The following ARL15 variants were observed in gnomAD, a reference collection of about 807,000 sequenced individuals.
ARL15 encodes ARF like GTPase 15.
ARL15 carries 19 observed loss-of-function variants against 25.2 expected under a neutral mutation model. That is an observed-to-expected ratio of 0.75 (90% confidence interval 0.53 to 1.10). The LOEUF (loss-of-function observed/expected upper bound fraction) is 1.10, where lower values mean the gene tolerates loss of function less well. ARL15 is among the 50% of genes least tolerant of loss of function. The pLI is 0.00. For synonymous variants in ARL15, 94 were observed against 86.8 expected (o/e 1.08, Z -0.46); for missense variants, 220 against 246.0 (o/e 0.89, Z 0.71).
chr5:53,972,001 A>G (rs897289594), intron 4 of ARL15, among the ~76,000 whole-genome samples: 1 of 152,206 alleles, frequency 6.6e-6, no homozygotes, highest in Non-Finnish European at 1.5e-5. Flanking sequence ...AAAATAATCC[A>G]GTGTGGAATA....
intron 4 of ARL15, among the ~76,000 whole-genome samples, chr5:53,889,291 G>A (rs1200095197): frequency 6.6e-6 from 1 of 152,122 alleles, no homozygotes. Context: ...AGTAATATGT[G>A]ATATTTTACA....
chr5:53,966,561 G>C (rs1747572921), intron 4 of ARL15, among the ~76,000 whole-genome samples: 1 of 152,094 alleles, frequency 6.6e-6, no homozygotes, highest in South Asian at 2.1e-4. Flanking sequence ...ACAATCATGG[G>C]GACTGAACCC....
chr5:53,885,960 C>G lies in ARL15; in HGVS notation c.*601G>C, dbSNP rs981576563. ...ATCAAGAAAACATTGTGTAACTTGCCTCTAAGCTCTTCAGAGCCAATTTTA... is the reference window on the plus strand; with the variant it reads ...ATCAAGAAAACATTGTGTAACTTGCGTCTAAGCTCTTCAGAGCCAATTTTA... On this transcript the variant is annotated 3_prime_UTR_variant, in exon 5 of 5. Transcript: ENST00000504924. 2 of 151,930 alleles carry G rather than the reference C, an allele frequency of 1.3e-5. No homozygotes were observed. Among genetic ancestry groups the G allele is most frequent in the Admixed American group, 1.3e-4 (2 of 15,242 alleles). 9.4% of individuals were successfully genotyped at this position (151,930 alleles called of 1,614,324 possible).
intron 3 of ARL15, among the ~76,000 whole-genome samples, chr5:54,121,119 G>C (rs922045831): frequency 6.6e-6 from 1 of 152,150 alleles, no homozygotes; most frequent in African/African-American, 2.4e-5. Flanking sequence ...AAGTGGAATA[G>C]TAAATTTGTC....
At chr5:54,232,235 T>G (rs1408704529) in intron 1 of ARL15, among the ~76,000 whole-genome samples, 1 of 152,188 alleles carries the variant, frequency 6.6e-6, no homozygotes, top group Non-Finnish European at 1.5e-5. Context: ...CCTGACCACA[T>G]TTGCCTGTAT....
At position 54,300,530 on chromosome 5, in the gene ARL15, G is replaced by A. The variant is rs149228543; in HGVS notation, c.48+9902C>T. On this transcript the variant is annotated intron_variant, in intron 1 of 4. Transcript: ENST00000504924. ...TGAACCCAGTCAAACCCCGATTCAC[G>A]AGTAAAATACATTGTTATTGTGTTA... 2.9e-3 allele frequency among the ~76,000 whole-genome samples: 435 copies of A among 152,270 alleles called. 1 individual carries two copies. The highest frequency in any genetic ancestry group is 0.01 in the Middle Eastern group (3 of 294).
chr5:54,269,278 C>A (rs923326025), intron 1 of ARL15, among the ~76,000 whole-genome samples: 20 of 151,816 alleles, frequency 1.3e-4, no homozygotes, highest in Admixed American at 1.3e-3. Context: ...AGTCATATAT[C>A]CTCTTTTAAT....
At chr5:54,148,752 A>C (rs529316368) in intron 3 of ARL15, among the ~76,000 whole-genome samples, 1 of 152,316 alleles carries the variant, frequency 6.6e-6, no homozygotes, top group South Asian at 2.1e-4. Flanking sequence ...GTAACACATT[A>C]GAATATTAAG....
chr5:54,273,216 G>C (rs964120931), intron 1 of ARL15, among the ~76,000 whole-genome samples: 1 of 151,984 alleles, frequency 6.6e-6, no homozygotes, highest in Non-Finnish European at 1.5e-5. Context: ...CTCTAAATAG[G>C]GTACAGTCCA....
At chr5:54,237,235 C>T (rs1208589973) in intron 1 of ARL15, among the ~76,000 whole-genome samples, 3 of 152,224 alleles carry the variant, frequency 2.0e-5, no homozygotes, top group African/African-American at 7.2e-5. Flanking sequence ...TGCCTGCCAC[C>T]ATGCAAGGCA....
intron 4 of ARL15, among the ~76,000 whole-genome samples, chr5:54,085,578 C>T (rs183455758): frequency 3.3e-5 from 5 of 152,216 alleles, no homozygotes; most frequent in African/African-American, 1.2e-4. Context: ...TATTTCCCCA[C>T]AAATATTTTT....
At chr5:54,019,336 A>C (rs977157380) in intron 4 of ARL15, among the ~76,000 whole-genome samples, 1 of 152,176 alleles carries the variant, frequency 6.6e-6, no homozygotes, top group Non-Finnish European at 1.5e-5. Context: ...GATAAGGCTA[A>C]AGCAATTAAT....
At chr5:54,223,882 G>C (rs773335084) in intron 1 of ARL15, among the ~76,000 whole-genome samples, 8 of 152,132 alleles carry the variant, frequency 5.3e-5, no homozygotes, top group Non-Finnish European at 1.0e-4. Context: ...CTTGACTTGA[G>C]TACTGGAGGC....
At chr5:54,021,442 A>G (rs1197187703) in intron 4 of ARL15, among the ~76,000 whole-genome samples, 1 of 152,242 alleles carries the variant, frequency 6.6e-6, no homozygotes, top group Non-Finnish European at 1.5e-5. Flanking sequence ...AAAGGATCAA[A>G]TATAAACTTT....
intron 4 of ARL15, among the ~76,000 whole-genome samples, chr5:54,027,265 A>G (rs1420575732): frequency 6.6e-6 from 1 of 152,226 alleles, no homozygotes; most frequent in Non-Finnish European, 1.5e-5. Flanking sequence ...CCTGTGCACC[A>G]CACAAAACAA....
chr5:54,062,582 C>T (rs1751104016), intron 4 of ARL15, among the ~76,000 whole-genome samples: 1 of 151,562 alleles, frequency 6.6e-6, no homozygotes, highest in Non-Finnish European at 1.5e-5. Flanking sequence ...CTGCCATCCA[C>T]ATAAGATGTG....
intron 4 of ARL15, among the ~76,000 whole-genome samples, chr5:53,965,637 T>C (rs939356332): frequency 4.6e-5 from 7 of 151,912 alleles, no homozygotes; most frequent in African/African-American, 1.4e-4. Context: ...TTTTTTTTTT[T>C]CTGTGTGGGG....
intron 3 of ARL15, among the ~76,000 whole-genome samples, chr5:54,145,670 G>A (rs1009709250): frequency 6.6e-6 from 1 of 152,074 alleles, no homozygotes; most frequent in South Asian, 2.1e-4. Flanking sequence ...GCATGGCAGG[G>A]ATTGCATCCT....
At chr5:54,179,257 G>A (rs1754976900) in intron 1 of ARL15, among the ~76,000 whole-genome samples, 1 of 152,178 alleles carries the variant, frequency 6.6e-6, no homozygotes. Context: ...TTAAGTGGCA[G>A]AGCTGGGGTT....
Sources: allele counts gnomAD v4.1 joint callset (sites outside exome capture counted in the v4.1 genomes callset), GRCh38; gene constraint gnomAD v4.1.1; transcripts MANE v1.5; gene names NCBI Gene and HGNC (gene_info 2026-07-23, HGNC 2026-07-21).